Variants in SH3RF3 observed in about 807,000 individuals in gnomAD.
SH3RF3 encodes the protein SH3 domain containing ring finger 3.
SH3RF3 carries 29 observed loss-of-function variants against 66.3 expected under a neutral mutation model. The observed-to-expected ratio is 0.44, with a 90% CI of 0.33 to 0.60. SH3RF3 has a LOEUF of 0.60. Among genes scored for constraint, SH3RF3 ranks in the 20% least tolerant of loss-of-function variants. The probability of loss-of-function intolerance (pLI) is 0.04; values close to 1 mark genes in which losing one functional copy is unlikely to be tolerated. For synonymous variants in SH3RF3, 583 were observed against 532.0 expected, an observed-to-expected ratio of 1.10 and a Z score of -1.32; for missense variants, 1,194 against 1,190.9, an observed-to-expected ratio of 1.00 and a Z score of -0.04.
At chr2:109,352,800 G>C (rs1017488862) in intron 2 of SH3RF3, among the ~76,000 whole-genome samples, 1 of 152,208 alleles carries the variant, frequency 6.6e-6, no homozygotes, top group African/African-American at 2.4e-5. Flanking sequence ...CGGGGCAGAG[G>C]GGAGCAGAGC....
At chr2:109,324,938 C>T (rs1682114353) in intron 1 of SH3RF3, among the ~76,000 whole-genome samples, 1 of 152,230 alleles carries the variant, frequency 6.6e-6, no homozygotes. Context: ...CATTCCTATA[C>T]AGTAATGACT....
intron 1 of SH3RF3, among the ~76,000 whole-genome samples, chr2:109,284,495 CT>C (rs1046619693): frequency 4.6e-5 from 7 of 152,180 alleles, no homozygotes; most frequent in African/African-American, 1.7e-4. Flanking sequence ...CATCACTCTC[CT>C]CTCGTCCAGC....
chr2:109,183,893 G>T (rs1401262535), intron 1 of SH3RF3, among the ~76,000 whole-genome samples: 1 of 152,210 alleles, frequency 6.6e-6, no homozygotes, highest in Non-Finnish European at 1.5e-5. Flanking sequence ...AGGAAAGTGG[G>T]CTCTAGAATC....
At chr2:109,201,263 G>T (rs1398469037) in intron 1 of SH3RF3, among the ~76,000 whole-genome samples, 1 of 152,188 alleles carries the variant, frequency 6.6e-6, no homozygotes, top group Non-Finnish European at 1.5e-5. Context: ...AAATTTTGCT[G>T]GCCTTGTATT....
intron 1 of SH3RF3, among the ~76,000 whole-genome samples, chr2:109,175,675 C>T (rs534262923): frequency 2.4e-4 from 37 of 152,288 alleles, no homozygotes; most frequent in African/African-American, 8.7e-4. Flanking sequence ...TAATAGGACA[C>T]ATTTTGGGTT....
At chr2:109,490,256 A>G (rs1204967461) in intron 8 of SH3RF3, among the ~76,000 whole-genome samples, 2 of 152,340 alleles carry the variant, frequency 1.3e-5, no homozygotes, top group East Asian at 3.9e-4. Flanking sequence ...AAGAGCAGGC[A>G]TGCTTACTGC....
intron 1 of SH3RF3, among the ~76,000 whole-genome samples, chr2:109,132,888 T>C (rs1676729947): frequency 6.6e-6 from 1 of 152,240 alleles, no homozygotes; most frequent in Non-Finnish European, 1.5e-5. Flanking sequence ...CATTGAGTAA[T>C]TCAAAACATG....
intron 1 of SH3RF3, among the ~76,000 whole-genome samples, chr2:109,147,894 C>T (rs760187035): frequency 3.3e-5 from 5 of 152,102 alleles, no homozygotes; most frequent in South Asian, 2.1e-4. Context: ...ATAAACTCTG[C>T]GTTTATAGTT....
intron 1 of SH3RF3, among the ~76,000 whole-genome samples, chr2:109,229,129 A>G (rs1679440258): frequency 6.6e-6 from 1 of 152,154 alleles, no homozygotes; most frequent in Non-Finnish European, 1.5e-5. Context: ...TAGCCCCGCT[A>G]TCACTCAGAA....
At chr2:109,289,761 CTTTT>C in intron 1 of SH3RF3, among the ~76,000 whole-genome samples, 1 of 149,814 alleles carries the variant, frequency 6.7e-6, no homozygotes, top group African/African-American at 2.4e-5. Context: ...TGAAAATACA[CTTTT>C]TTTTTTAAGC....
chr2:109,237,280 A>C (rs1679671234), intron 1 of SH3RF3, among the ~76,000 whole-genome samples: 1 of 152,256 alleles, frequency 6.6e-6, no homozygotes, highest in Non-Finnish European at 1.5e-5. Context: ...TAATGTTGGA[A>C]GACATTTATC....
At chr2:109,371,322 G>A (rs991499005) in intron 2 of SH3RF3, among the ~76,000 whole-genome samples, 38 of 152,218 alleles carry the variant, frequency 2.5e-4, no homozygotes, top group African/African-American at 8.7e-4. Context: ...CCCCGGAGGC[G>A]GAGGCTGCAG....
intron 1 of SH3RF3, among the ~76,000 whole-genome samples, chr2:109,191,062 T>C (rs1678341753): frequency 6.6e-6 from 1 of 152,044 alleles, no homozygotes; most frequent in South Asian, 2.1e-4. Flanking sequence ...GAGTCTAACC[T>C]CCTCTGTTGT....
At chr2:109,487,863 A>AGCACC (rs1679023821) in intron 8 of SH3RF3, among the ~76,000 whole-genome samples, 1 of 152,228 alleles carries the variant, frequency 6.6e-6, no homozygotes. Flanking sequence ...TTGTGTTCTC[A>AGCACC]GCACCGTGCT....
chr2:109,415,196 C>G (rs970466844), intron 4 of SH3RF3, among the ~76,000 whole-genome samples: 9 of 152,218 alleles, frequency 5.9e-5, no homozygotes, highest in Non-Finnish European at 2.9e-5. Flanking sequence ...CCTGCCACAC[C>G]TTGATTTTAG....
At chr2:109,251,881 A>AGGG (rs2105262150) in intron 1 of SH3RF3, among the ~76,000 whole-genome samples, 1 of 152,328 alleles carries the variant, frequency 6.6e-6, no homozygotes, top group South Asian at 2.1e-4. Flanking sequence ...GATGGGTTCC[A>AGGG]GGGTTCTAGA....
In SH3RF3 at chr2:109,370,876, C is replaced by T. The variant is rs140705876; in HGVS notation, c.850-710C>T. On this transcript the variant is annotated intron_variant, in intron 2 of 9. Transcript: ENST00000309415. ...AGAGGGTTACTGAAAGCTTTATGTG[C>T]CCATGACTCTAAATAAATGTAGTTG... 1.3e-5 allele frequency among the ~76,000 whole-genome samples: 2 copies of T among 152,312 alleles called. 1 individual carries two copies. The highest frequency in any genetic ancestry group is 3.9e-4 in the East Asian group (2 of 5,186).
chr2:109,464,915 A>C (rs145970238), intron 8 of SH3RF3, among the ~76,000 whole-genome samples: 1 of 152,224 alleles, frequency 6.6e-6, no homozygotes, highest in Non-Finnish European at 1.5e-5. Flanking sequence ...GTCCAGCATT[A>C]TAGTATCATA....
rs536098205 is a variant in SH3RF3 at position 109,135,453 on chromosome 2, T to C, written c.573+5340T>C. ...TGTTATCAGTGAATTAGGGATGCTA[T>C]CTGCTTCTTAGATAAATAGGATAAC... On this transcript the variant is annotated intron_variant, in intron 1 of 9. Coordinates refer to ENST00000309415, the MANE Select transcript of SH3RF3 (RefSeq NM_001099289.3). 1.1e-4 allele frequency among the ~76,000 whole-genome samples: 16 copies of C among 152,330 alleles called. No homozygotes were observed. The South Asian group carries it at 3.1e-3, about 30-fold the overall frequency.
Sources: gnomAD v4.1 joint callset for allele counts (sites outside exome capture counted in the v4.1 genomes callset) on GRCh38, gnomAD v4.1.1 for gene constraint, MANE v1.5 for transcripts, NCBI Gene and HGNC (gene_info 2026-07-23, HGNC 2026-07-21) for gene names.